Variants in SLIT2 observed in about 807,000 individuals in gnomAD.
SLIT2 encodes slit homolog 2 protein.
In SLIT2, 41 loss-of-function variants were observed where a neutral mutation model predicts 185.7. The observed-to-expected ratio is 0.22, with a 90% confidence interval of 0.17 to 0.29. The LOEUF is 0.29. Among genes scored for constraint, SLIT2 ranks in the 10% least tolerant of loss-of-function variants. The pLI, the probability that SLIT2 is intolerant of heterozygous loss-of-function variation, is 1.00. For missense variants in SLIT2, 1,571 were observed against 1,909.0 expected (o/e 0.82, Z 3.30); for synonymous variants, 693 against 680.2 (o/e 1.02, Z -0.29).
At chr4:20,358,053 C>T (rs1722471468) in intron 4 of SLIT2, among the ~76,000 whole-genome samples, 1 of 151,954 alleles carries the variant, frequency 6.6e-6, no homozygotes, top group African/African-American at 2.4e-5. Context: ...GCCTATAAGA[C>T]CTGTGGTTGG....
chr4:20,377,685 G>T (rs1429446393), intron 4 of SLIT2, among the ~76,000 whole-genome samples: 1 of 152,032 alleles, frequency 6.6e-6, no homozygotes, highest in Non-Finnish European at 1.5e-5. Context: ...TACATTGAGG[G>T]AGTGAATTTC....
intron 4 of SLIT2, among the ~76,000 whole-genome samples, chr4:20,388,786 A>ATATAT (rs1474958851): frequency 7.4e-6 from 1 of 134,692 alleles, no homozygotes; most frequent in Non-Finnish European, 1.6e-5. Flanking sequence ...GGGAAAAAAA[A>ATATAT]AAAAAAATAT....
chr4:20,346,936 C>T (rs908480397), intron 4 of SLIT2, among the ~76,000 whole-genome samples: 10 of 152,128 alleles, frequency 6.6e-5, no homozygotes, highest in Non-Finnish European at 1.5e-4. Context: ...GGTACCCACC[C>T]GGATTGAGGA....
At chr4:20,584,469 C>T (rs992266599) in intron 29 of SLIT2, among the ~76,000 whole-genome samples, 3 of 152,226 alleles carry the variant, frequency 2.0e-5, no homozygotes, top group African/African-American at 4.8e-5. Context: ...TGCCCAGGCA[C>T]ACTATTGACA....
rs1049693944 is a variant in SLIT2 at position 20,318,894 on chromosome 4, G to A, written c.395+50013G>A. 6.6e-5 allele frequency among the ~76,000 whole-genome samples: 10 copies of A among 152,104 alleles called. 1 individual carries two copies. The highest frequency in any genetic ancestry group is 6.2e-4 in the South Asian group (3 of 4,830). ...GGGACTTAGAACTAAGGCTTCTTAC[G>A]TATGGTTAAGTAATATATATGGTGG... On this transcript the variant is annotated intron_variant, in intron 4 of 36. Transcript: ENST00000504154.
chr4:20,529,859 C>A (rs1464531396), intron 16 of SLIT2, among the ~76,000 whole-genome samples: 1 of 152,102 alleles, frequency 6.6e-6, no homozygotes, highest in Non-Finnish European at 1.5e-5. Flanking sequence ...TATATAGCAC[C>A]ATCTGGTATT....
chr4:20,449,596 A>C (rs1222159226), intron 4 of SLIT2, among the ~76,000 whole-genome samples: 1 of 152,098 alleles, frequency 6.6e-6, no homozygotes, highest in African/African-American at 2.4e-5. Flanking sequence ...TTTAGTAGAG[A>C]CAGGGTTTCA....
At chr4:20,283,120 G>GCGCACACACA (rs143964894) in intron 4 of SLIT2, among the ~76,000 whole-genome samples, 24 of 149,958 alleles carry the variant, frequency 1.6e-4, no homozygotes, top group Non-Finnish European at 2.7e-4. Flanking sequence ...GTGCGCGCGC[G>GCGCACACACA]CACACACACA....
At chr4:20,371,132 A>C (rs1295592146) in intron 4 of SLIT2, among the ~76,000 whole-genome samples, 2 of 152,058 alleles carry the variant, frequency 1.3e-5, no homozygotes, top group Non-Finnish European at 2.9e-5. Flanking sequence ...GTGCACAAGA[A>C]CACCACATCT....
At chr4:20,269,452 G>A (rs1713380721) in intron 4 of SLIT2, among the ~76,000 whole-genome samples, 2 of 151,876 alleles carry the variant, frequency 1.3e-5, no homozygotes, top group South Asian at 4.1e-4. Flanking sequence ...ATTAAAGGAA[G>A]TAATTCCTTA....
In SLIT2 at chr4:20,532,042, C is replaced by T. The variant is rs1399172377; in HGVS notation, c.1672C>T (p.Pro558Ser). Residue 558 changes from proline to serine, a missense_variant, in exon 17 of 37, where the codon CCT becomes TCT. By Grantham distance (74) the Pro-to-Ser change is moderately conservative (BLOSUM62 -1). This residue lies in a region of SLIT2 where 1,202 missense variants were observed against 1,416.4 expected (regional missense o/e 0.85). Transcript: ENST00000504154. The stretch of plus-strand genomic sequence containing the variant: ...AGCCACAGGAATCTTTAAGAAACTT[C>T]CTCAATTACGTAAAATGTAAGTCAC... ...LEATGIFKKL[P>S]QLRKINFSNN... 1 of 1,567,038 alleles carries T rather than the reference C, an allele frequency of 6.4e-7. No individual in the cohort carries two copies. The highest frequency in any genetic ancestry group is 8.6e-7 in the Non-Finnish European group (1 of 1,160,576).
chr4:20,537,785 G>A (rs1212394917), intron 18 of SLIT2, among the ~76,000 whole-genome samples: 1 of 152,036 alleles, frequency 6.6e-6, no homozygotes, highest in Non-Finnish European at 1.5e-5. Flanking sequence ...GATTTTGAGA[G>A]CACATTTCCA....
chr4:20,312,327 G>A (rs1357434744), intron 4 of SLIT2, among the ~76,000 whole-genome samples: 1 of 152,126 alleles, frequency 6.6e-6, no homozygotes, highest in Admixed American at 6.5e-5. Flanking sequence ...AATACATGAT[G>A]TGATTGTAAA....
intron 4 of SLIT2, among the ~76,000 whole-genome samples, chr4:20,341,920 G>A (rs1005783059): frequency 4.6e-5 from 7 of 151,954 alleles, no homozygotes; most frequent in African/African-American, 9.7e-5. Flanking sequence ...TATAATTTTC[G>A]CATGAAATTG....
At chr4:20,534,994 G>A (rs1286714004) in intron 18 of SLIT2, among the ~76,000 whole-genome samples, 1 of 152,094 alleles carries the variant, frequency 6.6e-6, no homozygotes, top group African/African-American at 2.4e-5. Context: ...CATTCACTCA[G>A]CCTTGTGATG....
chr4:20,592,124 T>C (rs1727562801), intron 30 of SLIT2, among the ~76,000 whole-genome samples: 1 of 152,170 alleles, frequency 6.6e-6, no homozygotes, highest in Non-Finnish European at 1.5e-5. Flanking sequence ...AATCAAATTC[T>C]GTGAAGCTGC....
chr4:20,365,085 T>G (rs1050058387), intron 4 of SLIT2, among the ~76,000 whole-genome samples: 3 of 152,140 alleles, frequency 2.0e-5, no homozygotes, highest in Non-Finnish European at 4.4e-5. Context: ...CTATGTTATT[T>G]TGAGTGTGCT....
intron 11 of SLIT2, among the ~76,000 whole-genome samples, chr4:20,513,061 CCTT>C (rs1038100465): frequency 1.3e-5 from 2 of 152,120 alleles, no homozygotes; most frequent in Non-Finnish European, 2.9e-5. Flanking sequence ...TGTTGTCACT[CCTT>C]TTGCTATTTG....
At chr4:20,408,479 T>C (rs1199410562) in intron 4 of SLIT2, among the ~76,000 whole-genome samples, 1 of 152,128 alleles carries the variant, frequency 6.6e-6, no homozygotes, top group East Asian at 1.9e-4. Context: ...TATGCCCAGA[T>C]CTCAGCCCAA....
Sources: allele counts gnomAD v4.1 joint callset (sites outside exome capture counted in the v4.1 genomes callset), GRCh38; gene constraint gnomAD v4.1.1; regional missense constraint gnomAD v4.1.1; transcripts MANE v1.5; gene names NCBI Gene and HGNC (gene_info 2026-07-23, HGNC 2026-07-21).